CHM: variants seen among roughly 807,000 people sequenced by gnomAD.
The protein encoded by CHM is CHM Rab escort protein, also known as rab proteins geranylgeranyltransferase component A 1.
In CHM, 10 loss-of-function variants were observed where a neutral mutation model predicts 49.0. That is an observed-to-expected ratio of 0.20 (90% CI 0.13 to 0.35). The LOEUF (loss-of-function observed/expected upper bound fraction) is 0.35, where lower values mean the gene tolerates loss of function less well. CHM is among the 10% of genes least tolerant of loss of function. The pLI, the probability that CHM is intolerant of heterozygous loss-of-function variation, is 1.00. For synonymous variants in CHM, 184 were observed against 167.5 expected (o/e 1.10, Z -0.76); for missense variants, 455 against 478.4 (o/e 0.95, Z 0.46).
intron 2 of CHM, among the ~76,000 whole-genome samples, chrX:86,007,280 C>A (rs1242105931): frequency 8.0e-5 from 9 of 111,914 alleles, no homozygotes; most frequent in African/African-American, 1.3e-4. Flanking sequence ...TAAAGACTTA[C>A]ATGTTAGACC....
intron 1 of CHM, among the ~76,000 whole-genome samples, chrX:86,027,938 T>G (rs973371715): frequency 9.0e-6 from 1 of 111,286 alleles, no homozygotes; most frequent in Non-Finnish European, 1.9e-5. Flanking sequence ...AATTTTTGTA[T>G]TTTTAGTAGA....
chrX:85,913,380 G>GAAAGAAAGAAAGAAAGAAAGAA (rs1569411240), intron 8 of CHM, among the ~76,000 whole-genome samples: 1 of 94,718 alleles, frequency 1.1e-5, no homozygotes, highest in Non-Finnish European at 2.1e-5. Context: ...AAGAAAGAAA[G>GAAAGAAAGAAAGAAAGAAAGAA]AAAGAAAAAA....
intron 7 of CHM, 83 bp from the exon 8 acceptor site, chrX:85,956,461 G>A: frequency 8.9e-7 from 1 of 1,122,636 alleles, no homozygotes; most frequent in Non-Finnish European, 1.2e-6. Flanking sequence ...GATGAAGTGT[G>A]TTTCACAGAC....
intron 4 of CHM, chrX:85,969,473 A>G: frequency 2.9e-6 from 2 of 685,264 alleles, no homozygotes; most frequent in Non-Finnish European, 3.5e-6. Context: ...ATTACATGGT[A>G]AGAAAGAAGA....
At position 86,036,986 on chromosome X, in the gene CHM, T is replaced by A. The variant is rs73630493; in HGVS notation, c.50-9429A>T. Among the ~76,000 whole-genome samples, 778 of 111,785 alleles carry A rather than the reference T, an allele frequency of 7.0e-3. 5 individuals are homozygous for A. The highest frequency in any genetic ancestry group is 0.023 in the African/African-American group (703 of 30,725). On this transcript the variant is annotated intron_variant, in intron 1 of 14. Coordinates refer to ENST00000357749, the MANE Select transcript of CHM (RefSeq NM_000390.4). ...CTTAAAAATGGACGTAGCATCCTGT[T>A]TTTTATCTAAATGGAGAAAACTACA...
chrX:85,989,444 G>A (rs1210625873), intron 2 of CHM, among the ~76,000 whole-genome samples: 2 of 111,941 alleles, frequency 1.8e-5, no homozygotes, highest in Non-Finnish European at 3.8e-5. Flanking sequence ...AATGGGCAAA[G>A]ATTTCATAAC....
chrX:85,932,269 A>C lies in CHM; in HGVS notation c.1167-20931T>G, dbSNP rs7060410. Among the ~76,000 whole-genome samples the C allele has an allele frequency of 9.4e-3, 1,054 of 111,984 alleles. 11 individuals are homozygous for C. The highest frequency in any genetic ancestry group is 0.032 in the African/African-American group (975 of 30,835). ...ATTTTATTAGTACATTTCTAGTATT[A>C]AGACTATCTCTCTAAAGAATGGCTA... On this transcript the variant is annotated intron_variant, in intron 8 of 14. Coordinates refer to ENST00000357749, the MANE Select transcript of CHM (RefSeq NM_000390.4).
intron 5 of CHM, among the ~76,000 whole-genome samples, chrX:85,963,240 A>C (rs773248893): frequency 3.0e-4 from 34 of 111,697 alleles, no homozygotes; most frequent in African/African-American, 9.8e-4. Context: ...TGTGAACACG[A>C]TTTTTAAAAA....
At chrX:85,962,486 G>C (rs1237130603) in intron 5 of CHM, among the ~76,000 whole-genome samples, 1 of 112,161 alleles carries the variant, frequency 8.9e-6, no homozygotes, top group African/African-American at 3.2e-5. Context: ...AGTTCAAAGG[G>C]AGCAAGAGTA....
At position 85,898,697 on chromosome X, in the gene CHM, A is replaced by G. The variant is rs76206531; in HGVS notation, c.1413+1949T>C. ...GGGAGATACAGACAATAAACCAGTAATTGTAGGACAGTGGAGTAAGTAATA... is the reference window on the plus strand; with the variant it reads ...GGGAGATACAGACAATAAACCAGTAGTTGTAGGACAGTGGAGTAAGTAATA... On this transcript the variant is annotated intron_variant, in intron 11 of 14. Transcript: ENST00000357749. Among the ~76,000 whole-genome samples, 690 of 112,270 alleles carry G rather than the reference A, an allele frequency of 6.1e-3. 2 individuals are homozygous for G. The highest frequency in any genetic ancestry group is 0.054 in the East Asian group (191 of 3,533).
In CHM at chrX:86,006,090, G is replaced by GA. The variant is rs1241858734; in HGVS notation, c.116+21400dup. ...ACGATCAGGTCGGCTTCATTCCTGGGATGCAAGGCTGGTTCAACATACGCA... is the reference window on the plus strand; with the variant it reads ...ACGATCAGGTCGGCTTCATTCCTGGGAATGCAAGGCTGGTTCAACATACGCA... On this transcript the variant is annotated intron_variant, in intron 2 of 14. Transcript: ENST00000357749. 4.5e-5 allele frequency among the ~76,000 whole-genome samples: 5 copies of GA among 111,765 alleles called. No homozygotes were observed. The East Asian group carries it at 1.4e-3, about 31-fold the overall frequency.
rs769451301 is a variant in CHM, at chrX:85,889,143, T to C, written c.1510+5045A>G. ...ATGGAAAAATAATTTACAAAACAAT[T>C]TATGAAGACTATTTACAATTTATGA... On this transcript the variant is annotated intron_variant, in intron 12 of 14. Coordinates refer to ENST00000357749, the MANE Select transcript of CHM (RefSeq NM_000390.4). Among the ~76,000 whole-genome samples, 4 of 111,699 alleles carry C rather than the reference T, an allele frequency of 3.6e-5. No homozygotes were observed. In the East Asian group the frequency reaches 1.1e-3, roughly 31 times the overall value.
chrX:85,951,936 T>A (rs1191145062), intron 8 of CHM, among the ~76,000 whole-genome samples: 1 of 111,612 alleles, frequency 9.0e-6, no homozygotes, highest in Non-Finnish European at 1.9e-5. Flanking sequence ...AACTGGGGGA[T>A]GTAGCATTGA....
At chrX:85,930,818 A>G (rs181739516) in intron 8 of CHM, among the ~76,000 whole-genome samples, 188 of 112,064 alleles carry the variant, frequency 1.7e-3, no homozygotes, top group Middle Eastern at 9.1e-3. Context: ...TTATCGAGTT[A>G]TTTGTAGGAG....
intron 3 of CHM, among the ~76,000 whole-genome samples, chrX:85,981,114 G>C (rs1316318167): frequency 9.4e-6 from 1 of 106,372 alleles, no homozygotes; most frequent in Admixed American, 1.0e-4. Context: ...TGATTTTGGG[G>C]AAAAAATTAT....
At chrX:85,984,207 A>C (rs1931788574) in intron 2 of CHM, among the ~76,000 whole-genome samples, 1 of 110,602 alleles carries the variant, frequency 9.0e-6, no homozygotes, top group Admixed American at 9.7e-5. Flanking sequence ...TGTCTCAAAA[A>C]AAAATAAAAA....
intron 2 of CHM, among the ~76,000 whole-genome samples, chrX:86,006,045 C>T (rs1217484213): frequency 9.0e-6 from 1 of 111,650 alleles, no homozygotes; most frequent in Non-Finnish European, 1.9e-5. Flanking sequence ...TACACCAGCA[C>T]ATCAAAAAGC....
chrX:85,876,185 G>A (rs1425829048), intron 13 of CHM, among the ~76,000 whole-genome samples: 2 of 111,336 alleles, frequency 1.8e-5, no homozygotes, highest in African/African-American at 3.3e-5. Context: ...TACTTCACAC[G>A]TACTAGGATG....
chrX:85,956,434 C>A, intron 7 of CHM, 56 bp from the exon 8 acceptor site: 1 of 1,161,390 alleles, frequency 8.6e-7, no homozygotes, highest in Non-Finnish European at 1.2e-6. Flanking sequence ...CTATTTAAAA[C>A]CACCCCACAA....
Sources: allele counts gnomAD v4.1 joint callset (sites outside exome capture counted in the v4.1 genomes callset), GRCh38; gene constraint gnomAD v4.1.1; transcripts MANE v1.5; gene names NCBI Gene and HGNC (gene_info 2026-07-23, HGNC 2026-07-21).